The following LONRF1 variants were observed in gnomAD, a reference collection of about 807,000 sequenced individuals.
LONRF1 encodes the protein LON peptidase N-terminal domain and RING finger protein 1.
Under a neutral mutation model 85.8 loss-of-function variants are expected in LONRF1, and 37 were observed. The observed-to-expected ratio is 0.43, with a 90% CI of 0.33 to 0.57. The LOEUF is 0.57. Ranked by LOEUF, LONRF1 falls within the 20% of genes least tolerant of loss-of-function variation. The pLI, the probability that LONRF1 is intolerant of heterozygous loss-of-function variation, is 0.04. For missense variants in LONRF1, 1,036 were observed against 978.0 expected (o/e 1.06, Z -0.79); for synonymous variants, 517 against 390.1 (o/e 1.33, Z -3.83).
rs1799604734 is a variant in LONRF1 at position 12,755,411 on chromosome 8, G to A, written c.10C>T (p.Pro4Ser). 3.5e-6 allele frequency: 4 copies of A among 1,157,224 alleles called. No homozygotes were observed. The highest frequency in any genetic ancestry group is 4.7e-5 in the Admixed American group (1 of 21,086). 71.7% of individuals were successfully genotyped at this position (1,157,224 alleles called of 1,614,324 possible). ...CCTGGGGAGGTCCTCGCCACCGCCG[G>A]AGAGGACATGGCCCGCGGAGGGCTG... MSS[P>S]AVARTSPGGS... is the part of the protein sequence containing the mutation. Residue 4 changes from proline to serine, a missense_variant, in exon 1 of 12, where the codon CCG (proline) becomes TCG (serine). Transcript: ENST00000398246.
At chr8:12,739,755 C>A (rs1290068316) in intron 3 of LONRF1, among the ~76,000 whole-genome samples, 2 of 152,180 alleles carry the variant, frequency 1.3e-5, no homozygotes, top group African/African-American at 4.8e-5. Context: ...TGGCAGCATG[C>A]AAAATGCAGA....
At chr8:12,732,635 A>G (rs1178617174) in intron 7 of LONRF1, among the ~76,000 whole-genome samples, 1 of 152,110 alleles carries the variant, frequency 6.6e-6, no homozygotes, top group Non-Finnish European at 1.5e-5. Context: ...TCTGACTCCA[A>G]TTTTACCTTT....
intron 1 of LONRF1, among the ~76,000 whole-genome samples, chr8:12,750,382 T>C (rs1044124119): frequency 3.3e-5 from 5 of 152,218 alleles, no homozygotes; most frequent in African/African-American, 1.2e-4. Context: ...CTTCAGATAG[T>C]ACCAAGCCCT....
intron 10 of LONRF1, among the ~76,000 whole-genome samples, chr8:12,727,759 A>G (rs2117230938): frequency 6.6e-6 from 1 of 152,314 alleles, no homozygotes; most frequent in South Asian, 2.1e-4. Flanking sequence ...CACAGATTCT[A>G]TCAATCAACT....
chr8:12,744,701 C>G (rs1563153563), intron 1 of LONRF1, among the ~76,000 whole-genome samples: 1 of 152,054 alleles, frequency 6.6e-6, no homozygotes, highest in African/African-American at 2.4e-5. Context: ...AGTCTAAGAA[C>G]AAGTAGTAAA....
chr8:12,733,244 A>C (rs188001432), intron 7 of LONRF1, among the ~76,000 whole-genome samples: 203 of 152,312 alleles, frequency 1.3e-3, no homozygotes, highest in African/African-American at 4.6e-3. Context: ...CAATTCCATT[A>C]TCATTTTCTA....
In LONRF1 at chr8:12,754,829, T is replaced by C. The variant is rs778565881; in HGVS notation, c.592A>G (p.Asn198Asp). The change falls in exon 1 of 12, where the codon AAC (asparagine) becomes GAC (aspartate). Residue 198 changes from asparagine (N) to aspartate (D), a missense_variant. Physicochemically the swap from Asn to Asp is conservative, Grantham distance 23 (BLOSUM62 1). Around this residue, in one of 3 missense-constraint regions of LONRF1, gnomAD observed 742 missense variants for 614.4 expected, o/e 1.21. Coordinates refer to ENST00000398246, the MANE Select transcript of LONRF1 (RefSeq NM_152271.5). ...GGAAACCACTTCTCGGCCAGGTGGT[T>C]GAGGACGACGCTGGTTCTGAAGTCT... ...ASDFRTSVVL[N>D]HLAEKWFPGQ... is the part of the protein sequence containing the mutation. 3.3e-6 allele frequency: 5 copies of C among 1,493,524 alleles called. No individual in the cohort carries two copies. Among genetic ancestry groups the C allele is most frequent in the Non-Finnish European group, 4.4e-6 (5 of 1,127,166 alleles). The allele number at this position is 1,493,524 out of a possible 1,614,324, so 92.5% of individuals were successfully genotyped here.
Position 12,755,507 on chromosome 8 carries a change from G to T in LONRF1, c.-87C>A. Reference sequence around the variant, plus strand: ...CGGCTCCGCACGCGGCCCGCGAGCAGGGGGGCGTGGCGCGCGGACACGGCG... The same window carrying T: ...CGGCTCCGCACGCGGCCCGCGAGCATGGGGGCGTGGCGCGCGGACACGGCG... On this transcript the variant is annotated 5_prime_UTR_variant, in exon 1 of 12. The change creates a new upstream start codon in the 5' untranslated region. Coordinates refer to ENST00000398246, the MANE Select transcript of LONRF1 (RefSeq NM_152271.5). 1 of 639,208 alleles carries T rather than the reference G, an allele frequency of 1.6e-6. No homozygotes were observed. The highest frequency in any genetic ancestry group is 1.9e-6 in the Non-Finnish European group (1 of 513,610). 39.6% of individuals were successfully genotyped at this position (639,208 alleles called of 1,614,324 possible).
At chr8:12,740,711 T>C (rs1360564310) in intron 3 of LONRF1, among the ~76,000 whole-genome samples, 163 bp downstream of exon 3, 1 of 152,218 alleles carries the variant, frequency 6.6e-6, no homozygotes, top group African/African-American at 2.4e-5. Flanking sequence ...GAACTCAATA[T>C]AATACGTACA....
intron 3 of LONRF1, among the ~76,000 whole-genome samples, chr8:12,740,503 G>A (rs1039340937): frequency 6.6e-6 from 1 of 152,132 alleles, no homozygotes; most frequent in Admixed American, 6.5e-5. Flanking sequence ...AATACTATTG[G>A]CAATCCTGCG....
intron 3 of LONRF1, among the ~76,000 whole-genome samples, chr8:12,739,421 G>C (rs980646736): frequency 1.3e-5 from 2 of 150,438 alleles, no homozygotes; most frequent in Admixed American, 1.3e-4. Flanking sequence ...TCTAGAATAA[G>C]TAACACTACT....
At chr8:12,727,419 T>C (rs111312636) in intron 10 of LONRF1, 1 of 151,618 alleles carries the variant, frequency 6.6e-6, no homozygotes, top group Admixed American at 6.6e-5. Context: ...ATTTGCCATA[T>C]AAAACAAATT....
chr8:12,745,657 C>T (rs950836355), intron 1 of LONRF1, among the ~76,000 whole-genome samples: 2 of 152,194 alleles, frequency 1.3e-5, no homozygotes, highest in African/African-American at 2.4e-5. Context: ...CACTCCATTA[C>T]TGCAGGTATC....
intron 1 of LONRF1, among the ~76,000 whole-genome samples, chr8:12,748,021 A>AT (rs1183846294): frequency 3.3e-5 from 5 of 152,172 alleles, no homozygotes; most frequent in African/African-American, 9.7e-5. Flanking sequence ...AGTCCACATG[A>AT]TTTTTAATAG....
intron 1 of LONRF1, among the ~76,000 whole-genome samples, chr8:12,744,457 T>A (rs1317307349): frequency 1.3e-5 from 2 of 152,106 alleles, no homozygotes; most frequent in Non-Finnish European, 2.9e-5. Flanking sequence ...CAATGAAAAA[T>A]TATCTCTGAA....
intron 11 of LONRF1, among the ~76,000 whole-genome samples, chr8:12,724,576 T>G (rs770326184): frequency 1.3e-5 from 2 of 152,144 alleles, no homozygotes; most frequent in Non-Finnish European, 2.9e-5. Flanking sequence ...TGCTTTTGCT[T>G]TCCTGCCCAA....
intron 5 of LONRF1, 41 bp from the exon 6 acceptor site, chr8:12,736,838 A>C (rs765186505): frequency 1.3e-6 from 2 of 1,582,274 alleles, no homozygotes; most frequent in Non-Finnish European, 1.7e-6. Flanking sequence ...CTTAGGAAAA[A>C]CTTTAAAGAC....
At chr8:12,741,110 GCAGTAGCTCACGC>G (rs1268298817) in intron 2 of LONRF1, 114 bp from the exon 3 acceptor site, 1 of 1,133,830 alleles carries the variant, frequency 8.8e-7, no homozygotes, top group Non-Finnish European at 1.3e-6. Context: ...TGGGCCGGGT[GCAGTAGCTCACGC>G]CTGTAATCCC....
At chr8:12,726,214 TATGGATCA>T (rs1798295458) in intron 10 of LONRF1, among the ~76,000 whole-genome samples, 1 of 152,144 alleles carries the variant, frequency 6.6e-6, no homozygotes, top group Admixed American at 6.6e-5. Flanking sequence ...CATTTGTCTT[TATGGATCA>T]ATGGTTTTTG....
Sources: allele counts gnomAD v4.1 joint callset (sites outside exome capture counted in the v4.1 genomes callset), GRCh38; gene constraint gnomAD v4.1.1; regional missense constraint gnomAD v4.1.1; transcripts MANE v1.5; gene names NCBI Gene and HGNC (gene_info 2026-07-23, HGNC 2026-07-21).